The following LMBR1 variants were observed in gnomAD, a reference collection of about 807,000 sequenced individuals.
LMBR1 encodes the protein limb development membrane protein 1.
In LMBR1, 52 loss-of-function variants were observed where a neutral mutation model predicts 73.9. That is an observed-to-expected ratio of 0.70 (90% confidence interval 0.56 to 0.89). The LOEUF (loss-of-function observed/expected upper bound fraction) is 0.89, where lower values mean the gene tolerates loss of function less well. Among genes scored for constraint, LMBR1 ranks in the 40% least tolerant of loss-of-function variants. The pLI is 0.00. For missense variants in LMBR1, 539 were observed against 579.8 expected, an observed-to-expected ratio of 0.93 and a Z score of 0.72; for synonymous variants, 215 against 209.4, an observed-to-expected ratio of 1.03 and a Z score of -0.23.
At chr7:156,882,772 C>T (rs1438205353) in intron 1 of LMBR1, among the ~76,000 whole-genome samples, 2 of 152,220 alleles carry the variant, frequency 1.3e-5, no homozygotes, top group Non-Finnish European at 2.9e-5. Flanking sequence ...GTGGCTCACG[C>T]CTGTAATCCC....
intron 15 of LMBR1, among the ~76,000 whole-genome samples, chr7:156,702,821 A>G (rs1315573562): frequency 6.6e-6 from 1 of 152,236 alleles, no homozygotes; most frequent in African/African-American, 2.4e-5. Context: ...ATCTATAGAG[A>G]AGCTTTATTC....
chr7:156,860,631 C>T (rs1313004056), intron 1 of LMBR1, among the ~76,000 whole-genome samples: 1 of 152,198 alleles, frequency 6.6e-6, no homozygotes, highest in Non-Finnish European at 1.5e-5. Context: ...TCATTTGAGA[C>T]AAGGCAAGTC....
At chr7:156,787,838 A>G (rs959547572) in intron 5 of LMBR1, among the ~76,000 whole-genome samples, 1 of 152,170 alleles carries the variant, frequency 6.6e-6, no homozygotes, top group Non-Finnish European at 1.5e-5. Flanking sequence ...GTGCAACAGC[A>G]CGATCTTGGC....
chr7:156,785,749 T>C (rs1007475762), intron 5 of LMBR1, among the ~76,000 whole-genome samples: 13 of 151,952 alleles, frequency 8.6e-5, no homozygotes, highest in African/African-American at 3.1e-4. Context: ...GGCCAAAGAA[T>C]GCAAAAAAGT....
At chr7:156,870,621 C>T (rs949831341) in intron 1 of LMBR1, among the ~76,000 whole-genome samples, 3 of 151,892 alleles carry the variant, frequency 2.0e-5, no homozygotes, top group African/African-American at 7.3e-5. Context: ...AAAAATTAGC[C>T]AGGCGTGGCA....
chr7:156,860,367 T>A (rs1207963354), intron 1 of LMBR1, among the ~76,000 whole-genome samples: 1 of 152,188 alleles, frequency 6.6e-6, no homozygotes, highest in East Asian at 1.9e-4. Context: ...TTATTCACTA[T>A]CACAAGAACA....
rs974849812 is a variant in LMBR1, at chr7:156,669,900, C to A, written n.867-613G>T. ...TCCAGGTGACAGGAGGGCGGGCGGT[C>A]ATGGCCTAGTGCCATGAAAATGAAA... On this transcript the variant is annotated intron_variant and non_coding_transcript_variant, in intron 4 of 4. Coordinates refer to the LMBR1 transcript ENST00000430825. The surrounding 1 kb of genome is among the most constrained non-coding windows in gnomAD (Gnocchi z 4.2). Among the ~76,000 whole-genome samples the A allele has an allele frequency of 2.9e-4, 44 of 152,266 alleles. No individual in the cohort carries two copies. Among genetic ancestry groups the A allele is most frequent in the Middle Eastern group, 3.4e-3 (1 of 294 alleles).
At chr7:156,799,035 TA>T (rs1418255181) in intron 4 of LMBR1, among the ~76,000 whole-genome samples, 1 of 123,856 alleles carries the variant, frequency 8.1e-6, no homozygotes, top group Non-Finnish European at 1.7e-5. Flanking sequence ...CTAATAAAAA[TA>T]CAAAAAAAAA....
chr7:156,816,100 C>A (rs1348207652), intron 4 of LMBR1, among the ~76,000 whole-genome samples: 1 of 152,052 alleles, frequency 6.6e-6, no homozygotes. Flanking sequence ...GCTCACAAAT[C>A]ACTAAAAAGT....
At chr7:156,892,756 AAGGGGAGGGG>A (rs1382380255) in intron 1 of LMBR1, among the ~76,000 whole-genome samples, 162 bp downstream of exon 1, 8 of 83,586 alleles carry the variant, frequency 9.6e-5, no homozygotes, top group African/African-American at 3.5e-4. Context: ...GTGGGGAGGG[AAGGGGAGGGG>A]AGGGGAGAGG....
At chr7:156,792,490 C>A (rs6949624) in intron 5 of LMBR1, among the ~76,000 whole-genome samples, 1 of 151,928 alleles carries the variant, frequency 6.6e-6, no homozygotes, top group Admixed American at 6.6e-5. Context: ...TAAAAAAAAA[C>A]TTTTACTTTA....
chr7:156,720,020 A>G (rs910878123), intron 15 of LMBR1, among the ~76,000 whole-genome samples: 1 of 151,878 alleles, frequency 6.6e-6, no homozygotes, highest in East Asian at 1.9e-4. Context: ...AAACCTAGGC[A>G]TTACCATTCA....
intron 4 of LMBR1, among the ~76,000 whole-genome samples, chr7:156,803,910 G>A (rs191614207): frequency 0.016 from 2,350 of 146,688 alleles, 52 homozygotes; most frequent in African/African-American, 0.054. Context: ...ACCAAACACC[G>A]CATGTTCTCA....
At chr7:156,815,521 C>A (rs1389174254) in intron 4 of LMBR1, among the ~76,000 whole-genome samples, 1 of 152,118 alleles carries the variant, frequency 6.6e-6, no homozygotes, top group Non-Finnish European at 1.5e-5. Flanking sequence ...ATTCACAAAG[C>A]ATATATTTAA....
rs754746046 is a variant in LMBR1, at chr7:156,826,738, A to C, written c.186T>G (p.Phe62Leu). ...ACACTGCGAGAGTGAACGTGCTCAA[A>C]AACAACCTGGAAGAAAGGAGAGTCA... ...EDAIVNRISLFLSTFTLAVSA... is the reference protein window; with the variant it reads ...EDAIVNRISLLLSTFTLAVSA... The change falls in exon 4 of 17, where the codon TTT becomes TTG. Residue 62 changes from phenylalanine to leucine, a missense_variant. Transcript: ENST00000353442. 1.2e-6 allele frequency: 2 copies of C among 1,605,364 alleles called. No individual in the cohort carries two copies. Among genetic ancestry groups the C allele is most frequent in the Non-Finnish European group, 1.7e-6 (2 of 1,174,866 alleles).
intron 5 of LMBR1, among the ~76,000 whole-genome samples, chr7:156,784,003 T>G (rs1246536064): frequency 1.4e-5 from 2 of 140,680 alleles, no homozygotes; most frequent in South Asian, 2.1e-4. Context: ...TTTCTGTTTT[T>G]TTTTTTTTTA....
intron 9 of LMBR1, among the ~76,000 whole-genome samples, chr7:156,741,913 T>C (rs1253583780): frequency 3.9e-5 from 6 of 152,094 alleles, no homozygotes; most frequent in Non-Finnish European, 7.4e-5. Context: ...ACAGAAGTCT[T>C]AAAACATTCA....
intron 1 of LMBR1, among the ~76,000 whole-genome samples, chr7:156,842,649 T>G (rs1311768849): frequency 6.6e-6 from 1 of 152,200 alleles, no homozygotes; most frequent in East Asian, 1.9e-4. Flanking sequence ...TTTTAATTTC[T>G]TTTAATTCCT....
intron 5 of LMBR1, among the ~76,000 whole-genome samples, chr7:156,780,423 T>C (rs1254859100): frequency 2.0e-5 from 3 of 152,222 alleles, no homozygotes; most frequent in African/African-American, 7.2e-5. Flanking sequence ...AATGAATTAA[T>C]ACATGTTTTC....
Sources: allele counts gnomAD v4.1 joint callset (sites outside exome capture counted in the v4.1 genomes callset), GRCh38; gene constraint gnomAD v4.1.1; non-coding constraint Gnocchi (gnomAD v3.1); transcripts MANE v1.5; gene names NCBI Gene and HGNC (gene_info 2026-07-23, HGNC 2026-07-21).